ATRNL1: variants seen among roughly 807,000 people sequenced by gnomAD.
ATRNL1 encodes the protein attractin like 1.
Under a neutral mutation model 182.7 loss-of-function variants are expected in ATRNL1, and 95 were observed. The ratio of observed to expected loss-of-function variants is 0.52; its 90% confidence interval spans 0.44 to 0.62. The LOEUF (loss-of-function observed/expected upper bound fraction) is 0.62, where lower values mean the gene tolerates loss of function less well. ATRNL1 is among the 20% of genes least tolerant of loss of function. The pLI, the probability that ATRNL1 is intolerant of heterozygous loss-of-function variation, is 0.00. For synonymous variants in ATRNL1, 576 were observed against 568.3 expected (o/e 1.01, Z -0.19); for missense variants, 1,471 against 1,679.5 (o/e 0.88, Z 2.17).
At chr10:115,597,867 A>C (rs1268544873) in intron 26 of ATRNL1, 1 of 238,480 alleles carries the variant, frequency 4.2e-6, no homozygotes, top group Non-Finnish European at 8.5e-6. Flanking sequence ...AGACATTTTC[A>C]ACAACATTGC....
rs138942258 is a variant in ATRNL1 at position 115,288,960 on chromosome 10, A to G, written c.2415+2563A>G. Among the ~76,000 whole-genome samples, 252 of 152,306 alleles carry G rather than the reference A, an allele frequency of 1.7e-3. 2 individuals are homozygous for G. The highest frequency in any genetic ancestry group is 5.9e-3 in the African/African-American group (245 of 41,562). The stretch of plus-strand genomic sequence containing the variant: ...TCCCTATCAAATGAATAGTTTACCA[A>G]TATTTTCTCCTATTAGTCTGTTTTC... On this transcript the variant is annotated intron_variant, in intron 15 of 28. Coordinates refer to ENST00000355044, the MANE Select transcript of ATRNL1 (RefSeq NM_207303.4).
At chr10:115,778,421 T>C (rs1949182429) in intron 27 of ATRNL1, among the ~76,000 whole-genome samples, 1 of 152,218 alleles carries the variant, frequency 6.6e-6, no homozygotes, top group South Asian at 2.1e-4. Context: ...AAGAGTTTTC[T>C]TATAGTTGTA....
chr10:115,218,711 T>C (rs1358550156), intron 9 of ATRNL1, among the ~76,000 whole-genome samples: 3 of 152,230 alleles, frequency 2.0e-5, no homozygotes, highest in Non-Finnish European at 4.4e-5. Flanking sequence ...GCAGCCACTT[T>C]ACCTGCCAAC....
At chr10:115,308,497 A>C (rs1298692017) in intron 17 of ATRNL1, among the ~76,000 whole-genome samples, 1 of 152,146 alleles carries the variant, frequency 6.6e-6, no homozygotes, top group Non-Finnish European at 1.5e-5. Context: ...TAAACACTTC[A>C]ACAATTAAGG....
intron 21 of ATRNL1, among the ~76,000 whole-genome samples, chr10:115,433,572 G>A (rs192508754): frequency 3.3e-5 from 5 of 152,102 alleles, no homozygotes; most frequent in Middle Eastern, 3.4e-3. Context: ...CACATTTTTG[G>A]CATTTTAACC....
At chr10:115,689,802 A>G (rs1946332519) in intron 26 of ATRNL1, among the ~76,000 whole-genome samples, 1 of 152,174 alleles carries the variant, frequency 6.6e-6, no homozygotes, top group Non-Finnish European at 1.5e-5. Context: ...AGTTCTGTAG[A>G]GGTGGGGAAG....
intron 10 of ATRNL1, among the ~76,000 whole-genome samples, chr10:115,262,642 G>C (rs1430135844): frequency 1.3e-5 from 2 of 151,924 alleles, no homozygotes; most frequent in African/African-American, 4.8e-5. Flanking sequence ...CATATAGCCA[G>C]CAAAGGATTA....
chr10:115,443,806 A>G (rs1846821813), intron 21 of ATRNL1, among the ~76,000 whole-genome samples: 1 of 152,034 alleles, frequency 6.6e-6, no homozygotes, highest in South Asian at 2.1e-4. Flanking sequence ...CACATTCTGT[A>G]TTTATCTCTT....
At chr10:115,389,000 A>T (rs1843823835) in intron 19 of ATRNL1, among the ~76,000 whole-genome samples, 2 of 152,102 alleles carry the variant, frequency 1.3e-5, no homozygotes. Context: ...TAGATTACTA[A>T]AGCTTATTCC....
At chr10:115,874,482 T>C (rs188114407) in intron 28 of ATRNL1, among the ~76,000 whole-genome samples, 445 of 152,172 alleles carry the variant, frequency 2.9e-3, no homozygotes, top group African/African-American at 9.9e-3. Flanking sequence ...TACTAAGCAC[T>C]ATCAGAGAAA....
chr10:115,316,499 G>A (rs1854309461), intron 18 of ATRNL1, among the ~76,000 whole-genome samples: 1 of 151,782 alleles, frequency 6.6e-6, no homozygotes, highest in South Asian at 2.1e-4. Flanking sequence ...GGGTCAAATG[G>A]TATTTCTGGT....
intron 21 of ATRNL1, among the ~76,000 whole-genome samples, chr10:115,433,307 T>G (rs114541226): frequency 0.013 from 2,022 of 152,248 alleles, 40 homozygotes; most frequent in African/African-American, 0.047. Context: ...GACCCTTATA[T>G]TTAATGGAAT....
chr10:115,327,664 T>C (rs1332109327), intron 18 of ATRNL1, among the ~76,000 whole-genome samples: 1 of 150,584 alleles, frequency 6.6e-6, no homozygotes, highest in Non-Finnish European at 1.5e-5. Context: ...CTATTCACAA[T>C]AGCAAAGACT....
chr10:115,729,527 G>GTGTGTGTGTGTGTGTGTGTA (rs1215381020), intron 27 of ATRNL1, among the ~76,000 whole-genome samples: 21 of 151,104 alleles, frequency 1.4e-4, no homozygotes, highest in African/African-American at 5.1e-4. Flanking sequence ...GTGTGTGTGT[G>GTGTGTGTGTGTGTGTGTGTA]TGTGTGTGTT....
At chr10:115,308,843 A>C (rs1554927002) in intron 17 of ATRNL1, among the ~76,000 whole-genome samples, 1 of 152,110 alleles carries the variant, frequency 6.6e-6, no homozygotes, top group Non-Finnish European at 1.5e-5. Context: ...GCCAATGTCC[A>C]GAAGAGTTTT....
intron 3 of ATRNL1, among the ~76,000 whole-genome samples, chr10:115,125,636 A>C (rs1298572413): frequency 6.6e-6 from 1 of 152,186 alleles, no homozygotes; most frequent in African/African-American, 2.4e-5. Flanking sequence ...ATCCATATTC[A>C]ACTCAATCCA....
At chr10:115,483,956 A>G (rs2134625116) in intron 24 of ATRNL1, among the ~76,000 whole-genome samples, 1 of 151,750 alleles carries the variant, frequency 6.6e-6, no homozygotes, top group Admixed American at 6.6e-5. Flanking sequence ...AGAGAGGGCC[A>G]CTACTCAAGT....
intron 25 of ATRNL1, among the ~76,000 whole-genome samples, chr10:115,520,113 C>T (rs1400661498): frequency 6.6e-6 from 1 of 152,114 alleles, no homozygotes; most frequent in African/African-American, 2.4e-5. Flanking sequence ...ATGACTTCTC[C>T]TTCTGGCAGA....
chr10:115,856,123 G>C (rs540277560), intron 28 of ATRNL1, among the ~76,000 whole-genome samples: 1 of 152,126 alleles, frequency 6.6e-6, no homozygotes, highest in African/African-American at 2.4e-5. Flanking sequence ...TGTTGGTGTA[G>C]TCATTAAAAC....
Sources: gnomAD v4.1 joint callset for allele counts (sites outside exome capture counted in the v4.1 genomes callset) on GRCh38, gnomAD v4.1.1 for gene constraint, MANE v1.5 for transcripts, NCBI Gene and HGNC (gene_info 2026-07-23, HGNC 2026-07-21) for gene names.